The following AFM variants were observed in gnomAD, a reference collection of about 807,000 sequenced individuals.
AFM encodes alpha-Alb.
A neutral mutation model predicts 68.7 loss-of-function variants in AFM; 82 were observed. The observed-to-expected ratio is 1.19, with a 90% CI of 1.00 to 1.43. AFM has a LOEUF of 1.43. AFM is among the 40% of genes most tolerant of loss of function. AFM has a pLI of 0.00. For synonymous variants in AFM, 250 were observed against 234.2 expected (o/e 1.07, Z -0.61); for missense variants, 772 against 701.8 (o/e 1.10, Z -1.13).
At chr4:73,502,941 G>A (rs1721460084) in intron 13 of AFM, 109 bp from the exon 14 acceptor site, 1 of 1,028,692 alleles carries the variant, frequency 9.7e-7, no homozygotes, top group South Asian at 1.4e-5. Flanking sequence ...TGTACAACGT[G>A]GGAATGATTT....
chr4:73,488,908 A>T (rs941059874), intron 7 of AFM, 149 bp downstream of exon 7: 2 of 785,236 alleles, frequency 2.5e-6, no homozygotes, highest in Non-Finnish European at 3.9e-6. Context: ...TGAAATATAA[A>T]CATTTTTATA....
At position 73,499,148 on chromosome 4, in the gene AFM, C is replaced by A. The variant is rs947589400; in HGVS notation, c.1324C>A (p.Leu442Ile). 1 of 1,613,380 alleles carries A rather than the reference C, an allele frequency of 6.2e-7. No individual in the cohort carries two copies. Among genetic ancestry groups the A allele is most frequent in the African/African-American group, 1.3e-5 (1 of 74,882 alleles). Residue 442 changes from leucine to isoleucine, a missense_variant, in exon 11 of 15, where the codon CTC (leucine) becomes ATC (isoleucine). Coordinates refer to ENST00000226355, the MANE Select transcript of AFM (RefSeq NM_001133.2). ...LIRLTKIAPQLSTEELVSLGE... is the reference protein window; with the variant it reads ...LIRLTKIAPQISTEELVSLGE... ...CAGGCTCACGAAGATAGCTCCCCAA[C>A]TCTCCACTGAAGAACTGGTGTCTCT...
intron 9 of AFM, among the ~76,000 whole-genome samples, chr4:73,497,097 G>A (rs781620576): frequency 3.9e-5 from 6 of 152,098 alleles, no homozygotes; most frequent in Non-Finnish European, 7.4e-5. Context: ...TCTCTGTCTG[G>A]TGGCCACTCA....
Position 73,487,655 on chromosome 4 carries a change from A to G in AFM, c.616-69A>G, listed in dbSNP as rs1720938276. The stretch of plus-strand genomic sequence containing the variant: ...AATTTTGTAATAGTTTGAATGAAAT[A>G]TGACTAAAAAATAAGAGAATAGTGA... On this transcript the variant is annotated intron_variant, in intron 5 of 14. Transcript: ENST00000226355. The G allele has an allele frequency of 3.7e-6, 4 of 1,078,146 alleles. No homozygotes were observed. The South Asian group carries it at 5.7e-5, about 15-fold the overall frequency. The allele number at this position is 1,078,146 out of a possible 1,614,324, so 66.8% of individuals were successfully genotyped here. A position where few individuals can be genotyped will look rare whatever the true frequency, so the allele number is the denominator to read the frequency against.
rs1721080495 is a variant in AFM, at chr4:73,491,950, C to A, written c.922C>A (p.Pro308Thr). 1.2e-6 allele frequency: 2 copies of A among 1,613,742 alleles called. No homozygotes were observed. The highest frequency in any genetic ancestry group is 8.5e-7 in the Non-Finnish European group (1 of 1,179,890). The stretch of plus-strand genomic sequence containing the variant: ...CAAAGAGTGCTGTGAAAAGAAAATA[C>A]CAGAGCGCGGCCAGTGCATAATTAA... ...KIKECCEKKI[P>T]ERGQCIINSN... The change falls in exon 8 of 15, where the codon CCA becomes ACA. Residue 308 changes from proline to threonine, a missense_variant. Physicochemically the swap from Pro to Thr is conservative, Grantham distance 38 (BLOSUM62 -1). Coordinates refer to ENST00000226355, the MANE Select transcript of AFM (RefSeq NM_001133.2).
At chr4:73,481,995 C>G in intron 1 of AFM, 132 bp downstream of exon 1, 1 of 646,762 alleles carries the variant, frequency 1.5e-6, no homozygotes, top group Non-Finnish European at 2.7e-6. Context: ...ATAGGCTAAC[C>G]AGTTATCCAA....
chr4:73,492,171 A>G (rs1577976914), intron 8 of AFM, 85 bp downstream of exon 8: 3 of 1,235,204 alleles, frequency 2.4e-6, no homozygotes, highest in East Asian at 4.9e-5. Flanking sequence ...AGGTGGAAGG[A>G]CATGGTACCG....
chr4:73,484,777 T>C (rs1720845276), intron 3 of AFM, among the ~76,000 whole-genome samples: 1 of 152,084 alleles, frequency 6.6e-6, no homozygotes, highest in African/African-American at 2.4e-5. Flanking sequence ...CCCCAAGTGA[T>C]CCTCCCAACT....
chr4:73,486,061 C>T lies in AFM; in HGVS notation c.470C>T (p.Ser157Phe). ...CAGGCTTATGAAAGTAACAGAGAAT[C>T]CCTTTTAAATCAGTAAGTTTAATCT... ...KCQAYESNRE[S>F]LLNHFLYEVA... Residue 157 changes from serine (S) to phenylalanine (F), a missense_variant, in exon 4 of 15, where the codon TCC becomes TTC. Ser to Phe is a radical substitution (Grantham distance 155, BLOSUM62 -2). Transcript: ENST00000226355. 1.2e-6 allele frequency: 2 copies of T among 1,613,294 alleles called. No homozygotes were observed. Among genetic ancestry groups the T allele is most frequent in the East Asian group, 2.2e-5 (1 of 44,870 alleles).
chr4:73,499,703 G>T (rs1200876209), intron 11 of AFM, among the ~76,000 whole-genome samples: 1 of 152,128 alleles, frequency 6.6e-6, no homozygotes, highest in Non-Finnish European at 1.5e-5. Context: ...CACAGTGTTT[G>T]ATCGCCCCTT....
chr4:73,500,339 T>G, intron 12 of AFM, 112 bp downstream of exon 12: 1 of 957,798 alleles, frequency 1.0e-6, no homozygotes, highest in Non-Finnish European at 1.5e-6. Flanking sequence ...TCCTGTTCCT[T>G]CCACCAAATT....
At chr4:73,502,481 C>G (rs1266275263) in intron 13 of AFM, among the ~76,000 whole-genome samples, 1 of 152,140 alleles carries the variant, frequency 6.6e-6, no homozygotes, top group African/African-American at 2.4e-5. Context: ...GCCCTCGCTC[C>G]AGTGAAGGTA....
rs1362400366 is a variant in AFM, at chr4:73,486,981, T to G, written c.497T>G (p.Val166Gly). The G allele has an allele frequency of 1.2e-6, 2 of 1,612,936 alleles. No individual in the cohort carries two copies. Among genetic ancestry groups the G allele is most frequent in the African/African-American group, 2.7e-5 (2 of 74,838 alleles). ...ATTTTTTATAGCTTTTTATATGAAG[T>G]TGCCAGAAGGAACCCATTTGTCTTC... is the stretch of plus-strand genomic sequence containing the variant. ...ESLLNHFLYE[V>G]ARRNPFVFAP... The change falls in exon 5 of 15, where the codon GTT becomes GGT. Residue 166 changes from valine to glycine, a missense_variant. Transcript: ENST00000226355.
chr4:73,483,219 T>C (rs1720763965), intron 1 of AFM, among the ~76,000 whole-genome samples: 1 of 152,188 alleles, frequency 6.6e-6, no homozygotes, highest in Non-Finnish European at 1.5e-5. Context: ...CTTTTTTTTC[T>C]TTCTTTCTCA....
rs138275047 is a variant in AFM at position 73,485,959 on chromosome 4, T to G, written c.368T>G (p.Leu123Arg). Residue 123 changes from leucine to arginine, a missense_variant, in exon 4 of 15, where the codon CTC (leucine) becomes CGC (arginine). By Grantham distance (102) the Leu-to-Arg change is moderately radical. Coordinates refer to ENST00000226355, the MANE Select transcript of AFM (RefSeq NM_001133.2). ...CCSKVDAQRR[L>R]CFFYNKKSDV... ...AGTAAGGTTGATGCTCAAAGAAGAC[T>G]CTGTTTCTTCTATAACAAGAAATCT... 1 of 1,613,806 alleles carries G rather than the reference T, an allele frequency of 6.2e-7. No homozygotes were observed. Among genetic ancestry groups the G allele is most frequent in the Non-Finnish European group, 8.5e-7 (1 of 1,179,808 alleles).
At chr4:73,502,357 C>T (rs1220188080) in intron 13 of AFM, among the ~76,000 whole-genome samples, 1 of 152,134 alleles carries the variant, frequency 6.6e-6, no homozygotes, top group East Asian at 1.9e-4. Flanking sequence ...TGAAGTCTTT[C>T]AGGAGTGGCT....
intron 1 of AFM, 114 bp from the exon 2 acceptor site, chr4:73,483,827 T>C: frequency 1.2e-6 from 1 of 813,304 alleles, no homozygotes; most frequent in Non-Finnish European, 1.8e-6. Flanking sequence ...AATTATCTCC[T>C]GTCATCAGTG....
intron 9 of AFM, among the ~76,000 whole-genome samples, chr4:73,497,172 G>A (rs778597198): frequency 3.9e-5 from 6 of 152,062 alleles, no homozygotes; most frequent in Admixed American, 6.6e-5. Flanking sequence ...AACTGTTGGA[G>A]GTTTTAAGTT....
At chr4:73,491,590 A>G (rs1197534064) in intron 7 of AFM, among the ~76,000 whole-genome samples, 3 of 152,216 alleles carry the variant, frequency 2.0e-5, no homozygotes, top group African/African-American at 4.8e-5. Flanking sequence ...ATATCAGTGT[A>G]GGAGGGTTAT....
Sources: allele counts gnomAD v4.1 joint callset (sites outside exome capture counted in the v4.1 genomes callset), GRCh38; gene constraint gnomAD v4.1.1; transcripts MANE v1.5; gene names NCBI Gene and HGNC (gene_info 2026-07-23, HGNC 2026-07-21).